The following CD81 variants were observed in gnomAD, a reference collection of about 807,000 sequenced individuals.
CD81 encodes the protein CD81 antigen.
A neutral mutation model predicts 30.1 loss-of-function variants in CD81; 10 were observed. The observed-to-expected ratio is 0.33, with a 90% CI of 0.21 to 0.56. The LOEUF (loss-of-function observed/expected upper bound fraction) is 0.56, where lower values mean the gene tolerates loss of function less well. Ranked by LOEUF, CD81 falls within the 20% of genes least tolerant of loss-of-function variation. CD81 has a pLI of 0.89. For synonymous variants in CD81, 147 were observed against 126.4 expected, an observed-to-expected ratio of 1.16 and a Z score of -1.10; for missense variants, 263 against 308.7, an observed-to-expected ratio of 0.85 and a Z score of 1.11.
intron 6 of CD81, chr11:2,396,403 A>C (rs2133467406): frequency 3.3e-6 from 2 of 611,392 alleles, no homozygotes; most frequent in Admixed American, 5.3e-5. Flanking sequence ...AAAAGGGCAC[A>C]GTGTGTCCCA....
In CD81 at chr11:2,378,942, G is replaced by A. The variant is rs556448267; in HGVS notation, c.66+1327G>A. 1.0e-3 allele frequency among the ~76,000 whole-genome samples: 155 copies of A among 152,352 alleles called. No homozygotes were observed. The highest frequency in any genetic ancestry group is 3.7e-3 in the African/African-American group (153 of 41,586). On this transcript the variant is annotated intron_variant, in intron 1 of 7. Transcript: ENST00000263645. The surrounding 1 kb of genome is among the most constrained non-coding windows in gnomAD (Gnocchi z 4.9). The stretch of plus-strand genomic sequence containing the variant: ...TGAACTGAACTCTCAGCTGGGAGAT[G>A]AGTGGGGCAGTCACATCCCACCTTC...
chr11:2,388,450 C>G (rs1050992727), intron 1 of CD81, among the ~76,000 whole-genome samples: 4 of 152,104 alleles, frequency 2.6e-5, no homozygotes, highest in Non-Finnish European at 5.9e-5. Flanking sequence ...CCTGCCCAAC[C>G]CCACCCTGGG....
intron 6 of CD81, 94 bp from the exon 7 acceptor site, chr11:2,396,534 C>A: frequency 9.0e-7 from 1 of 1,108,512 alleles, no homozygotes; most frequent in Non-Finnish European, 1.4e-6. Flanking sequence ...TTCCCCTCTA[C>A]GCTTTCTGTG....
chr11:2,394,979 C>T lies in CD81; in HGVS notation c.287C>T (p.Thr96Ile), dbSNP rs1205332231. 2 of 1,612,792 alleles carry T rather than the reference C, an allele frequency of 1.2e-6. No homozygotes were observed. Among genetic ancestry groups the T allele is most frequent in the South Asian group, 1.1e-5 (1 of 91,058 alleles). Residue 96 changes from threonine to isoleucine, a missense_variant, in exon 4 of 8, where the codon ACC becomes ATC. By Grantham distance (89) the Thr-to-Ile change is moderately conservative. Transcript: ENST00000263645. Reference protein sequence around the residue: ...ESQCLLGTFFTCLVILFACEV... With the variant: ...ESQCLLGTFFICLVILFACEV... ...GCCACTGCCCGGCTCCAGTTCTTCACCTGCCTGGTCATCCTGTTTGCCTGT... is the reference window on the plus strand; with the variant it reads ...GCCACTGCCCGGCTCCAGTTCTTCATCTGCCTGGTCATCCTGTTTGCCTGT...
At chr11:2,390,186 G>A in intron 1 of CD81, 2 of 634,980 alleles carry the variant, frequency 3.1e-6, no homozygotes, top group Non-Finnish European at 5.8e-6. Context: ...CTCCACAGGT[G>A]CAGGGCAGGG....
At chr11:2,389,524 C>G (rs1820144984) in intron 1 of CD81, among the ~76,000 whole-genome samples, 1 of 152,064 alleles carries the variant, frequency 6.6e-6, no homozygotes, top group African/African-American at 2.4e-5. Flanking sequence ...AGGGCAGACC[C>G]CACCTGGCTA....
In CD81 at chr11:2,378,198, T is replaced by C. The variant is rs1242366235; in HGVS notation, c.66+583T>C. Among the ~76,000 whole-genome samples, 4 of 150,910 alleles carry C rather than the reference T, an allele frequency of 2.7e-5. No homozygotes were observed. Reference sequence around the variant, plus strand: ...TCACCACCCGAGACCTTCCTGGGGGTCGCGCCTAAAAGGAGCGCAGACTCC... The same window carrying C: ...TCACCACCCGAGACCTTCCTGGGGGCCGCGCCTAAAAGGAGCGCAGACTCC... On this transcript the variant is annotated intron_variant, in intron 1 of 7. Transcript: ENST00000263645. The surrounding 1 kb of genome is among the most constrained non-coding windows in gnomAD (Gnocchi z 4.9).
chr11:2,385,154 C>T (rs546536399), intron 1 of CD81, among the ~76,000 whole-genome samples: 58 of 152,260 alleles, frequency 3.8e-4, no homozygotes, highest in Non-Finnish European at 1.9e-4. Flanking sequence ...ACACTGGCCC[C>T]GGGGAGTTCA....
chr11:2,385,272 A>G (rs891153589), intron 1 of CD81, among the ~76,000 whole-genome samples: 1 of 152,010 alleles, frequency 6.6e-6, no homozygotes, highest in Non-Finnish European at 1.5e-5. Flanking sequence ...AGTTTTGACA[A>G]ATTTATACCC....
Position 2,377,546 on chromosome 11 carries a change from C to T in CD81, c.-4C>T, listed in dbSNP as rs769351886. 6.9e-5 allele frequency: 98 copies of T among 1,425,876 alleles called. No individual in the cohort carries two copies. The highest frequency in any genetic ancestry group is 2.8e-6 in the Non-Finnish European group (3 of 1,074,078). The allele number at this position is 1,425,876 out of a possible 1,614,324, so 88.3% of individuals were successfully genotyped here. A position where few individuals can be genotyped will look rare whatever the true frequency, so the allele number is the denominator to read the frequency against. On this transcript the variant is annotated 5_prime_UTR_variant, in exon 1 of 8. Transcript: ENST00000263645. The surrounding 1 kb of genome is among the most constrained non-coding windows in gnomAD (Gnocchi z 7.7). ...CCCGCAGGCCGCCCGCCGCCCGCGC[C>T]GCCATGGGAGTGGAGGGCTGCACCA... is the stretch of plus-strand genomic sequence containing the variant.
In CD81 at chr11:2,394,979, C is replaced by A. The variant is rs1205332231; in HGVS notation, c.287C>A (p.Thr96Asn). The change falls in exon 4 of 8, where the codon ACC becomes AAC. Residue 96 changes from threonine (T) to asparagine (N), a missense_variant. By Grantham distance (65) the Thr-to-Asn change is moderately conservative. Around this residue, in one of 3 missense-constraint regions of CD81, gnomAD observed 176 missense variants for 192.9 expected, o/e 0.91. Coordinates refer to ENST00000263645, the MANE Select transcript of CD81 (RefSeq NM_004356.4). ...GCCACTGCCCGGCTCCAGTTCTTCA[C>A]CTGCCTGGTCATCCTGTTTGCCTGT... ...ESQCLLGTFF[T>N]CLVILFACEV... 6.2e-7 allele frequency: 1 copy of A among 1,612,792 alleles called. No individual in the cohort carries two copies. The highest frequency in any genetic ancestry group is 8.5e-7 in the Non-Finnish European group (1 of 1,179,968).
chr11:2,390,298 TC>T, intron 1 of CD81, 113 bp from the exon 2 acceptor site: 1 of 833,664 alleles, frequency 1.2e-6, no homozygotes, highest in Non-Finnish European at 2.1e-6. Flanking sequence ...TGACACCTGG[TC>T]CCTGCTCGGG....
At chr11:2,382,124 G>T (rs1365953313) in intron 1 of CD81, among the ~76,000 whole-genome samples, 1 of 152,236 alleles carries the variant, frequency 6.6e-6, no homozygotes, top group Non-Finnish European at 1.5e-5. Context: ...AAGGTCAGCT[G>T]GCAGCCGGAT....
intron 1 of CD81, chr11:2,390,205 C>G (rs1849872917): frequency 1.5e-6 from 1 of 649,382 alleles, no homozygotes; most frequent in Admixed American, 2.1e-5. Flanking sequence ...GGCCAGGCTC[C>G]AAGTAGATGG....
At chr11:2,388,196 G>A (rs1849830259) in intron 1 of CD81, among the ~76,000 whole-genome samples, 1 of 152,230 alleles carries the variant, frequency 6.6e-6, no homozygotes, top group African/African-American at 2.4e-5. Flanking sequence ...ACAGGCGCTT[G>A]CTACCACGCC....
chr11:2,386,327 G>C, intron 1 of CD81: 1 of 624,778 alleles, frequency 1.6e-6, no homozygotes, highest in East Asian at 2.7e-5. Context: ...TCTGCCCCAG[G>C]TCTTTCGGAG....
intron 1 of CD81, among the ~76,000 whole-genome samples, chr11:2,389,265 AGAG>A (rs1421466559): frequency 1.3e-5 from 2 of 152,188 alleles, no homozygotes; most frequent in East Asian, 3.9e-4. Context: ...GGAGGAGGAT[AGAG>A]GCAGCAGGAC....
At chr11:2,383,046 C>T (rs1313021906) in intron 1 of CD81, among the ~76,000 whole-genome samples, 1 of 152,190 alleles carries the variant, frequency 6.6e-6, no homozygotes, top group Non-Finnish European at 1.5e-5. Flanking sequence ...TGTGTGCGTC[C>T]TCCTGGTCCC....
intron 1 of CD81, among the ~76,000 whole-genome samples, chr11:2,380,853 T>C (rs1055450488): frequency 1.3e-5 from 2 of 152,156 alleles, no homozygotes; most frequent in Non-Finnish European, 2.9e-5. Flanking sequence ...AGAAGAGCGG[T>C]GTCCCCCGCC....
Sources: gnomAD v4.1 joint callset for allele counts (sites outside exome capture counted in the v4.1 genomes callset) on GRCh38, gnomAD v4.1.1 for gene constraint, gnomAD v4.1.1 regional missense constraint, Gnocchi (gnomAD v3.1) non-coding constraint, MANE v1.5 for transcripts, NCBI Gene and HGNC (gene_info 2026-07-23, HGNC 2026-07-21) for gene names.